Variants in LPIN1 observed in about 807,000 individuals in gnomAD.
LPIN1 encodes the protein lipin 1, also known as phosphatidate phosphatase LPIN1.
In LPIN1, 71 loss-of-function variants were observed where a neutral mutation model predicts 107.5. That is an observed-to-expected ratio of 0.66 (90% CI 0.55 to 0.80). LPIN1 has a LOEUF of 0.80. Among genes scored for constraint, LPIN1 ranks in the 30% least tolerant of loss-of-function variants. LPIN1 has a pLI of 0.00. For synonymous variants in LPIN1, 445 were observed against 452.6 expected, an observed-to-expected ratio of 0.98 and a Z score of 0.21; for missense variants, 1,043 against 1,160.6, an observed-to-expected ratio of 0.90 and a Z score of 1.47.
At chr2:11,742,605 T>C (rs371889410), upstream of LPIN1, among the ~76,000 whole-genome samples, 6 of 151,440 alleles carry the variant, frequency 4.0e-5, no homozygotes, top group South Asian at 1.0e-3. Context: ...TAGCAGCCAC[T>C]GTTTCTAAGT....
At chr2:11,737,266 A>G (rs1048026429) in intron 1 of LPIN1, among the ~76,000 whole-genome samples, 9 of 152,260 alleles carry the variant, frequency 5.9e-5, no homozygotes, top group Non-Finnish European at 1.0e-4. Context: ...CATAAGACCT[A>G]AAACCATAAA....
chr2:11,686,993 C>CA, intron 1 of LPIN1, among the ~76,000 whole-genome samples: 1 of 85,088 alleles, frequency 1.2e-5, no homozygotes, highest in Non-Finnish European at 2.1e-5. Flanking sequence ...GCTTTTGATC[C>CA]TTTTTTTTTT....
At chr2:11,756,804 G>A (rs908126301) in intron 1 of LPIN1, among the ~76,000 whole-genome samples, 3 of 152,212 alleles carry the variant, frequency 2.0e-5, no homozygotes, top group African/African-American at 7.2e-5. Flanking sequence ...GTTCTTTGGT[G>A]TATTATCTGT....
intron 6 of LPIN1, chr2:11,777,632 C>G (rs1308179001): frequency 6.6e-6 from 1 of 152,176 alleles, no homozygotes; most frequent in Non-Finnish European, 1.5e-5. Flanking sequence ...TTTCACACCA[C>G]CACAGCAGCG....
intron 1 of LPIN1, among the ~76,000 whole-genome samples, chr2:11,679,087 A>G (rs1661574472): frequency 6.6e-6 from 1 of 152,190 alleles, no homozygotes; most frequent in South Asian, 2.1e-4. Context: ...GCTCTGTCTC[A>G]TGCCCCGCAG....
At chr2:11,720,179 C>A (rs1408772364), upstream of LPIN1, among the ~76,000 whole-genome samples, 1 of 152,094 alleles carries the variant, frequency 6.6e-6, no homozygotes, top group Non-Finnish European at 1.5e-5. Context: ...ACCTTTAACA[C>A]CAGTATCTGC....
At chr2:11,730,490 A>G (rs1665083739) in intron 1 of LPIN1, among the ~76,000 whole-genome samples, 1 of 152,218 alleles carries the variant, frequency 6.6e-6, no homozygotes, top group Non-Finnish European at 1.5e-5. Flanking sequence ...TAGTTCCAGC[A>G]TCTGTGTCAT....
intron 18 of LPIN1, chr2:11,817,807 A>T (rs2148727914): frequency 6.7e-6 from 1 of 148,540 alleles, no homozygotes; most frequent in Non-Finnish European, 1.5e-5. Context: ...AGGCACCTGT[A>T]GTGTAGTCCC....
intron 1 of LPIN1, among the ~76,000 whole-genome samples, chr2:11,709,028 G>A (rs1186852650): frequency 6.6e-6 from 1 of 152,130 alleles, no homozygotes; most frequent in Non-Finnish European, 1.5e-5. Flanking sequence ...GGTAAGTGGT[G>A]AAGCCAGCAT....
chr2:11,742,164 T>G (rs904669442), upstream of LPIN1: 5 of 152,090 alleles, frequency 3.3e-5, no homozygotes, highest in African/African-American at 1.2e-4. Context: ...TGCCTATTAT[T>G]AATGAGAAGA....
At chr2:11,724,482 C>T in exon 1 of LPIN1, 1 of 985,732 alleles carries the variant, frequency 1.0e-6, no homozygotes, top group Non-Finnish European at 1.2e-6. Context: ...CAGCAGTGGC[C>T]CAGCCTGCTG....
rs1664417222 is a variant in LPIN1 at position 11,724,663 on chromosome 2, G to A, written c.-72+124G>A. 3 of 984,658 alleles carry A rather than the reference G, an allele frequency of 3.0e-6. No homozygotes were observed. The South Asian group carries it at 1.4e-4, about 46-fold the overall frequency. 61.0% of individuals were successfully genotyped at this position (984,658 alleles called of 1,614,324 possible). On this transcript the variant is annotated intron_variant, in intron 1 of 21. Transcript: ENST00000396097. Reference sequence around the variant, plus strand: ...CTAAGGTAAAGGGCAGGCAGGGAGGGTGGGGAATCACGATGCTTCCAGAGC... The same window carrying A: ...CTAAGGTAAAGGGCAGGCAGGGAGGATGGGGAATCACGATGCTTCCAGAGC...
At chr2:11,770,020 G>A (rs1366039750) in intron 3 of LPIN1, among the ~76,000 whole-genome samples, 1 of 152,184 alleles carries the variant, frequency 6.6e-6, no homozygotes, top group Non-Finnish European at 1.5e-5. Context: ...TTGATACTGG[G>A]GATCCCTGCA....
At chr2:11,821,375 G>C (rs150811414) in intron 20 of LPIN1, among the ~76,000 whole-genome samples, 2 of 152,344 alleles carry the variant, frequency 1.3e-5, no homozygotes, top group South Asian at 2.1e-4. Context: ...AAATTAGCCA[G>C]GTGTGGTGGT....
intron 2 of LPIN1, among the ~76,000 whole-genome samples, chr2:11,717,015 G>T (rs980811393): frequency 4.6e-5 from 7 of 152,040 alleles, no homozygotes; most frequent in Non-Finnish European, 1.0e-4. Context: ...TTTATTTCTT[G>T]TCTTTAGGTT....
At chr2:11,757,666 GTCCCTCCCGTGCC>G (rs1230489828) in intron 1 of LPIN1, among the ~76,000 whole-genome samples, 1 of 152,100 alleles carries the variant, frequency 6.6e-6, no homozygotes, top group Non-Finnish European at 1.5e-5. Flanking sequence ...AAAGGGCATG[GTCCCTCCCGTGCC>G]TCCTGGGGGA....
intron 12 of LPIN1, among the ~76,000 whole-genome samples, chr2:11,789,414 T>C (rs1675257865): frequency 6.6e-6 from 1 of 152,064 alleles, no homozygotes; most frequent in African/African-American, 2.4e-5. Flanking sequence ...TGTGCAGGTG[T>C]GTGCCTTATG....
At chr2:11,745,680 A>T (rs1666828833), upstream of LPIN1, among the ~76,000 whole-genome samples, 1 of 152,266 alleles carries the variant, frequency 6.6e-6, no homozygotes, top group African/African-American at 2.4e-5. Context: ...ACTGCACTGT[A>T]GCTTGGGTGA....
In LPIN1 at chr2:11,800,893, C is replaced by T. The variant is rs76881762; in HGVS notation, c.1887-2014C>T. On this transcript the variant is annotated intron_variant, in intron 14 of 20. Transcript: ENST00000674199. ...CTTGTATATATACTGGGTATCAGCC[C>T]CTTTTTGAATGAGGAGTTTGCACAT... Among the ~76,000 whole-genome samples the T allele has an allele frequency of 5.5e-3, 830 of 152,220 alleles. 7 individuals carry two copies. Among genetic ancestry groups the T allele is most frequent in the African/African-American group, 0.019 (799 of 41,528 alleles).
Sources: gnomAD v4.1 joint callset for allele counts (sites outside exome capture counted in the v4.1 genomes callset) on GRCh38, gnomAD v4.1.1 for gene constraint, MANE v1.5 for transcripts, NCBI Gene and HGNC (gene_info 2026-07-23, HGNC 2026-07-21) for gene names.